Variants in IFT56 observed in about 807,000 individuals in gnomAD.
IFT56 encodes the protein intraflagellar transport protein 56.
chr7:139,165,316 C>T, the IFT56 span: 1 of 890,060 alleles, frequency 1.1e-6, no homozygotes, highest in Non-Finnish European at 1.7e-6. Flanking sequence ...ATTTGCTTCA[C>T]TTTTTAAATC....
chr7:139,184,850 C>G, the IFT56 span, among the ~76,000 whole-genome samples: 3,181 of 149,548 alleles, frequency 0.021, 54 homozygotes, highest in South Asian at 0.056. Context: ...GTCAGGAGAT[C>G]GAGACCATCC....
chr7:139,140,122 TA>T, the IFT56 span: 5 of 620,706 alleles, frequency 8.1e-6, no homozygotes, highest in Non-Finnish European at 1.3e-5. Context: ...ATTAGAAAGC[TA>T]AAAAAATAGC....
the IFT56 span, chr7:139,187,305 C>A: frequency 7.3e-7 from 1 of 1,372,024 alleles, no homozygotes; most frequent in Non-Finnish European, 1.0e-6. Flanking sequence ...AGCACCCATG[C>A]ACTTATTTCA....
the IFT56 span, among the ~76,000 whole-genome samples, chr7:139,167,940 C>CAAA: frequency 1.8e-5 from 2 of 108,886 alleles, no homozygotes; most frequent in Admixed American, 8.9e-5. Context: ...GACTCGGTCT[C>CAAA]AAAAAAAAAA....
the IFT56 span, among the ~76,000 whole-genome samples, chr7:139,168,024 T>C: frequency 6.6e-6 from 1 of 152,032 alleles, no homozygotes; most frequent in African/African-American, 2.4e-5. Flanking sequence ...GTAATAAAAA[T>C]TATTATATCA....
the IFT56 span, chr7:139,181,152 G>T: frequency 6.2e-7 from 1 of 1,613,204 alleles, no homozygotes; most frequent in Admixed American, 1.7e-5. Flanking sequence ...GAAACCTCCG[G>T]CGAGTCCTTC....
chr7:139,151,565 T>A, the IFT56 span, among the ~76,000 whole-genome samples: 1 of 152,134 alleles, frequency 6.6e-6, no homozygotes, highest in Non-Finnish European at 1.5e-5. Context: ...TCCTTAAGCA[T>A]CATCTGTAAA....
the IFT56 span, chr7:139,133,974 C>T: frequency 7.7e-7 from 1 of 1,306,770 alleles, no homozygotes; most frequent in Non-Finnish European, 1.1e-6. Context: ...GAGTAATCCC[C>T]AGCTCTCCCT....
chr7:139,134,673 C>G, the IFT56 span: 1 of 1,611,174 alleles, frequency 6.2e-7, no homozygotes, highest in Non-Finnish European at 8.5e-7. Flanking sequence ...AAGGGCCAAA[C>G]CTGCTGTAGG....
At chr7:139,171,991 G>A in the IFT56 span, among the ~76,000 whole-genome samples, 1 of 152,088 alleles carries the variant, frequency 6.6e-6, no homozygotes, top group East Asian at 1.9e-4. Context: ...AGAAGCAAAC[G>A]TGTAGCTGCA....
At chr7:139,134,990 A>C in the IFT56 span, among the ~76,000 whole-genome samples, 2 of 152,040 alleles carry the variant, frequency 1.3e-5, no homozygotes, top group East Asian at 3.9e-4. Context: ...GAACTAAAAA[A>C]CTAAACTTGG....
chr7:139,159,492 G>T, the IFT56 span, among the ~76,000 whole-genome samples: 2 of 151,998 alleles, frequency 1.3e-5, no homozygotes, highest in South Asian at 4.1e-4. Context: ...TCCTTCCTTT[G>T]CCAGTGTAGC....
chr7:139,165,188 C>A, the IFT56 span: 1 of 1,613,748 alleles, frequency 6.2e-7, no homozygotes, highest in Admixed American at 1.7e-5. Flanking sequence ...TAGTTGATGT[C>A]ATTCCTGAAG....
the IFT56 span, among the ~76,000 whole-genome samples, chr7:139,161,673 A>G: frequency 2.0e-5 from 3 of 152,188 alleles, no homozygotes; most frequent in Non-Finnish European, 4.4e-5. Context: ...TCCTTTTTGT[A>G]GTACCAATTC....
the IFT56 span, among the ~76,000 whole-genome samples, chr7:139,176,451 T>G: frequency 1.3e-5 from 2 of 152,224 alleles, no homozygotes; most frequent in African/African-American, 4.8e-5. Flanking sequence ...GATATTAAGC[T>G]TAGAAAATGC....
At chr7:139,172,838 A>G in the IFT56 span, 1 of 672,604 alleles carries the variant, frequency 1.5e-6, no homozygotes, top group Non-Finnish European at 2.9e-6. Context: ...AAGCCAGCGA[A>G]CACTGTACTT....
chr7:139,137,145 T>A, the IFT56 span, among the ~76,000 whole-genome samples: 1 of 152,046 alleles, frequency 6.6e-6, no homozygotes. Context: ...AAAAAAAAAA[T>A]CTTATCTTAC....
the IFT56 span, among the ~76,000 whole-genome samples, chr7:139,157,020 G>C: frequency 1.3e-5 from 2 of 151,770 alleles, no homozygotes; most frequent in Non-Finnish European, 2.9e-5. Context: ...AAACCTGTCA[G>C]GATTTTAATT....
chr7:139,149,780 G>A, the IFT56 span, among the ~76,000 whole-genome samples: 4 of 151,998 alleles, frequency 2.6e-5, no homozygotes, highest in Admixed American at 6.6e-5. Flanking sequence ...ATAGGAAACC[G>A]AGAAAACACA....
Sources: allele counts gnomAD v4.1 joint callset (sites outside exome capture counted in the v4.1 genomes callset), GRCh38; gene constraint gnomAD v4.1.1; transcripts MANE v1.5; gene names NCBI Gene and HGNC (gene_info 2026-07-23, HGNC 2026-07-21).